ADGRL4: variants seen among roughly 807,000 people sequenced by gnomAD.
ADGRL4 encodes EGF, latrophilin and seven transmembrane domain containing 1.
Under a neutral mutation model 74.8 loss-of-function variants are expected in ADGRL4, and 90 were observed. The ratio of observed to expected loss-of-function variants is 1.20; its 90% CI spans 1.02 to 1.43. The LOEUF is 1.43. ADGRL4 is among the 40% of genes most tolerant of loss of function. ADGRL4 has a pLI of 0.00. For missense variants in ADGRL4, 881 were observed against 814.3 expected, an observed-to-expected ratio of 1.08 and a Z score of -1.00; for synonymous variants, 311 against 279.2, an observed-to-expected ratio of 1.11 and a Z score of -1.14.
At chr1:78,895,113 A>G (rs992716202) in intron 12 of ADGRL4, among the ~76,000 whole-genome samples, 1 of 152,024 alleles carries the variant, frequency 6.6e-6, no homozygotes, top group Non-Finnish European at 1.5e-5. Context: ...GGCAAGTGGG[A>G]GACTAATTCT....
At position 78,938,098 on chromosome 1, in the gene ADGRL4, A is replaced by G. The variant is rs150098160; in HGVS notation, c.576+2T>C. The G allele has an allele frequency of 3.7e-6, 6 of 1,612,132 alleles. No individual in the cohort carries two copies. In the South Asian group the frequency reaches 6.6e-5, roughly 18 times the overall value. Reference sequence around the variant, plus strand: ...TATTGAGTTAAAGCTGAACATACTTACAGTAAGAGTTGAGTTAGAAAGGGT... The same window carrying G: ...TATTGAGTTAAAGCTGAACATACTTGCAGTAAGAGTTGAGTTAGAAAGGGT... On this transcript the variant is annotated splice_donor_variant, in intron 5 of 14. Transcript: ENST00000370742. LOFTEE classifies it high-confidence loss of function.
intron 2 of ADGRL4, among the ~76,000 whole-genome samples, chr1:79,001,754 T>G (rs891743442): frequency 6.6e-6 from 1 of 152,132 alleles, no homozygotes; most frequent in Non-Finnish European, 1.5e-5. Context: ...GGGGTACCAT[T>G]TTGTGAAAAT....
At chr1:78,914,002 T>A (rs1648817107) in intron 12 of ADGRL4, among the ~76,000 whole-genome samples, 1 of 151,854 alleles carries the variant, frequency 6.6e-6, no homozygotes, top group African/African-American at 2.4e-5. Context: ...TCTTGAATAC[T>A]GTGAATAATG....
chr1:78,923,665 T>A (rs2100674659), intron 8 of ADGRL4, among the ~76,000 whole-genome samples: 1 of 151,688 alleles, frequency 6.6e-6, no homozygotes, highest in Non-Finnish European at 1.5e-5. Flanking sequence ...AAATAATATC[T>A]CAGAGAGATG....
chr1:78,980,201 C>T (rs533918761), intron 2 of ADGRL4, among the ~76,000 whole-genome samples: 1 of 151,536 alleles, frequency 6.6e-6, no homozygotes, highest in East Asian at 1.9e-4. Context: ...CACACACCCA[C>T]ACACCAGTTT....
intron 7 of ADGRL4, among the ~76,000 whole-genome samples, chr1:78,929,808 A>G (rs1649201060): frequency 6.6e-6 from 1 of 151,584 alleles, no homozygotes; most frequent in Non-Finnish European, 1.5e-5. Context: ...TAACAAAGCT[A>G]CCGTACAATC....
At chr1:78,938,303 A>G (rs1353527068) in intron 4 of ADGRL4, 24 bp from the exon 5 acceptor site, 1 of 1,530,794 alleles carries the variant, frequency 6.5e-7, no homozygotes, top group East Asian at 2.3e-5. Context: ...AGTCCAGAAA[A>G]AGGAAACTAA....
intron 2 of ADGRL4, among the ~76,000 whole-genome samples, chr1:78,989,375 C>T (rs1318609332): frequency 6.6e-6 from 1 of 151,720 alleles, no homozygotes; most frequent in Non-Finnish European, 1.5e-5. Context: ...TACAGTCATC[C>T]ACCATACTGA....
intron 2 of ADGRL4, among the ~76,000 whole-genome samples, chr1:78,953,388 G>C (rs1000233555): frequency 2.6e-5 from 4 of 151,966 alleles, no homozygotes; most frequent in Non-Finnish European, 5.9e-5. Context: ...TAAATCATTG[G>C]TAGAAAAATC....
intron 2 of ADGRL4, among the ~76,000 whole-genome samples, chr1:78,999,835 TCTATCTAC>T (rs1460179798): frequency 0.011 from 1,243 of 116,902 alleles, 10 homozygotes; most frequent in African/African-American, 0.031. Context: ...TATCTATCTA[TCTATCTAC>T]CTACCTACCT....
intron 12 of ADGRL4, among the ~76,000 whole-genome samples, chr1:78,916,843 A>G (rs1648881970): frequency 2.6e-5 from 4 of 151,884 alleles, no homozygotes; most frequent in Admixed American, 2.6e-4. Context: ...GAGTTTTGTC[A>G]GCCCTCCCAG....
At chr1:78,954,090 G>C (rs1557511067) in intron 2 of ADGRL4, among the ~76,000 whole-genome samples, 1 of 152,104 alleles carries the variant, frequency 6.6e-6, no homozygotes, top group South Asian at 2.1e-4. Flanking sequence ...AGGTTGCAGT[G>C]AGCCAAGGTC....
chr1:78,955,554 GT>G (rs923620856), intron 2 of ADGRL4, among the ~76,000 whole-genome samples: 7 of 150,968 alleles, frequency 4.6e-5, no homozygotes, highest in African/African-American at 7.3e-5. Flanking sequence ...TATTGCCTTT[GT>G]TTTTTTTCCT....
chr1:78,993,919 T>C (rs1380492400), intron 2 of ADGRL4, among the ~76,000 whole-genome samples: 1 of 152,098 alleles, frequency 6.6e-6, no homozygotes, highest in East Asian at 1.9e-4. Flanking sequence ...CTTCCCAGAA[T>C]TTTTGTGAAA....
At chr1:78,920,865 A>C (rs577031584) in intron 9 of ADGRL4, among the ~76,000 whole-genome samples, 1 of 152,004 alleles carries the variant, frequency 6.6e-6, no homozygotes, top group Admixed American at 6.6e-5. Context: ...TTGAAATAGA[A>C]AATGCTGGTT....
chr1:78,919,985 T>C (rs1040296302), intron 10 of ADGRL4, among the ~76,000 whole-genome samples, 198 bp downstream of exon 10: 7 of 152,076 alleles, frequency 4.6e-5, no homozygotes, highest in African/African-American at 1.4e-4. Context: ...ATGAGGGCCA[T>C]TTTTGCTGAA....
intron 2 of ADGRL4, among the ~76,000 whole-genome samples, chr1:79,004,679 T>A (rs1022076022): frequency 1.3e-5 from 2 of 152,138 alleles, no homozygotes; most frequent in African/African-American, 2.4e-5. Flanking sequence ...TGGTATCATA[T>A]ACCATATAGG....
In ADGRL4 at chr1:78,941,923, G is replaced by A. The variant is rs375965125; in HGVS notation, c.326-2665C>T. The stretch of plus-strand genomic sequence containing the variant: ...TCTTAAAAAGACACCTTCTAGGCCC[G>A]GCGCAGTGGCTTTCGCCTGTAATCC... On this transcript the variant is annotated intron_variant, in intron 3 of 14. Coordinates refer to ENST00000370742, the MANE Select transcript of ADGRL4 (RefSeq NM_022159.4). Among the ~76,000 whole-genome samples, 12 of 152,092 alleles carry A rather than the reference G, an allele frequency of 7.9e-5. No individual in the cohort carries two copies. In the East Asian group the frequency reaches 1.4e-3, roughly 17 times the overall value.
chr1:78,933,748 C>T (rs924375057), intron 7 of ADGRL4, among the ~76,000 whole-genome samples: 2 of 148,582 alleles, frequency 1.3e-5, no homozygotes, highest in African/African-American at 5.1e-5. Flanking sequence ...AATACAAAAT[C>T]AATGTGCAAA....
Sources: gnomAD v4.1 joint callset for allele counts (sites outside exome capture counted in the v4.1 genomes callset) on GRCh38, gnomAD v4.1.1 for gene constraint, MANE v1.5 for transcripts, NCBI Gene and HGNC (gene_info 2026-07-23, HGNC 2026-07-21) for gene names.